RAPGEF5: variants seen among roughly 807,000 people sequenced by gnomAD.
The protein encoded by RAPGEF5 is Rap guanine nucleotide exchange factor 5, also known as M-Ras-regulated GEF.
RAPGEF5 carries 65 observed loss-of-function variants against 125.2 expected under a neutral mutation model. The observed-to-expected ratio is 0.52, with a 90% CI of 0.43 to 0.64. RAPGEF5 has a LOEUF of 0.64. Ranked by LOEUF, RAPGEF5 falls within the 30% of genes least tolerant of loss-of-function variation. The pLI is 0.00. For missense variants in RAPGEF5, 958 were observed against 1,048.1 expected (o/e 0.91, Z 1.19); for synonymous variants, 391 against 385.9 (o/e 1.01, Z -0.16).
intron 11 of RAPGEF5, among the ~76,000 whole-genome samples, chr7:22,178,548 G>C (rs1366274863): frequency 1.3e-5 from 2 of 152,144 alleles, no homozygotes; most frequent in African/African-American, 4.8e-5. Context: ...ACTAAACTCA[G>C]GGAAACATTT....
At chr7:22,202,973 A>G in intron 9 of RAPGEF5, 1 of 278,824 alleles carries the variant, frequency 3.6e-6, no homozygotes, top group Non-Finnish European at 7.5e-6. Context: ...CAAGTATACT[A>G]ACACTGAAGT....
chr7:22,172,884 G>A (rs1177505390), intron 11 of RAPGEF5, among the ~76,000 whole-genome samples: 2 of 152,160 alleles, frequency 1.3e-5, no homozygotes, highest in African/African-American at 4.8e-5. Context: ...CCACTCAGCT[G>A]TTAAAGTGAA....
intron 23 of RAPGEF5, among the ~76,000 whole-genome samples, chr7:22,131,723 C>T (rs539716569): frequency 2.0e-5 from 3 of 152,200 alleles, no homozygotes; most frequent in African/African-American, 7.2e-5. Flanking sequence ...GAGGAAAGTA[C>T]AATGAAAGTG....
chr7:22,167,450 T>C (rs976308703), intron 11 of RAPGEF5, among the ~76,000 whole-genome samples: 26 of 152,344 alleles, frequency 1.7e-4, no homozygotes, highest in African/African-American at 5.3e-4. Context: ...AAAGATGATA[T>C]AGAAAACAAA....
chr7:22,203,961 C>T (rs539855453), intron 9 of RAPGEF5, among the ~76,000 whole-genome samples: 11 of 152,128 alleles, frequency 7.2e-5, no homozygotes, highest in African/African-American at 2.4e-4. Context: ...GCCAGTAACC[C>T]GAATCACTGC....
intron 7 of RAPGEF5, among the ~76,000 whole-genome samples, chr7:22,246,412 G>A (rs944697818): frequency 2.0e-5 from 3 of 152,138 alleles, no homozygotes; most frequent in Admixed American, 1.3e-4. Flanking sequence ...AGATAACCTA[G>A]AAATAAAGCT....
Position 22,318,048 on chromosome 7 carries a change from C to G in RAPGEF5, c.232-11G>C. Reference sequence around the variant, plus strand: ...TCTTCTTGATAGAGTCTATTTTAAACAAAGAAAAAAAAAATAGTTAGAACC... The same window carrying G: ...TCTTCTTGATAGAGTCTATTTTAAAGAAAGAAAAAAAAAATAGTTAGAACC... On this transcript the variant is annotated splice_polypyrimidine_tract_variant and intron_variant, in intron 1 of 25. Coordinates refer to ENST00000665637, the MANE Select transcript of RAPGEF5 (RefSeq NM_012294.5). 1 of 1,364,088 alleles carries G rather than the reference C, an allele frequency of 7.3e-7. No individual in the cohort carries two copies. Among genetic ancestry groups the G allele is most frequent in the Non-Finnish European group, 9.5e-7 (1 of 1,057,798 alleles). The allele number at this position is 1,364,088 out of a possible 1,614,324, so 84.5% of individuals were successfully genotyped here.
intron 6 of RAPGEF5, among the ~76,000 whole-genome samples, chr7:22,269,271 T>G (rs1782361282): frequency 6.6e-6 from 1 of 151,858 alleles, no homozygotes. Context: ...GACCACACAC[T>G]GGGTAAGATC....
chr7:22,122,564 T>C (rs769644386), intron 25 of RAPGEF5, 43 bp from the exon 26 acceptor site: 1 of 1,425,086 alleles, frequency 7.0e-7, no homozygotes, highest in South Asian at 1.2e-5. Flanking sequence ...AGGAGAGCAG[T>C]AATGCTGTAT....
intron 20 of RAPGEF5, among the ~76,000 whole-genome samples, chr7:22,142,393 C>G (rs553761756): frequency 6.6e-6 from 1 of 152,240 alleles, no homozygotes; most frequent in African/African-American, 2.4e-5. Flanking sequence ...GTCTATTATT[C>G]TACGTTTTAT....
chr7:22,128,592 G>T (rs1782819228), intron 24 of RAPGEF5, among the ~76,000 whole-genome samples: 1 of 152,160 alleles, frequency 6.6e-6, no homozygotes, highest in Non-Finnish European at 1.5e-5. Flanking sequence ...CTCCTAGAAA[G>T]GTCAGTCTCA....
intron 9 of RAPGEF5, among the ~76,000 whole-genome samples, chr7:22,214,509 T>C (rs981950739): frequency 3.9e-5 from 6 of 152,162 alleles, no homozygotes; most frequent in Non-Finnish European, 2.9e-5. Context: ...TTCGGGAAAA[T>C]ACAGGTTCAG....
chr7:22,307,298 A>C (rs1783364150), intron 5 of RAPGEF5, among the ~76,000 whole-genome samples: 1 of 151,956 alleles, frequency 6.6e-6, no homozygotes, highest in Non-Finnish European at 1.5e-5. Context: ...ATTTAATTTT[A>C]TTTGTGTCTA....
chr7:22,144,997 C>T lies in RAPGEF5; in HGVS notation c.2186+47G>A, dbSNP rs375012935. On this transcript the variant is annotated intron_variant, in intron 20 of 25. Coordinates refer to ENST00000665637, the MANE Select transcript of RAPGEF5 (RefSeq NM_012294.5). Reference sequence around the variant, plus strand: ...AAGAAAGAAAGAAGAACAATGTACTCTCTCAAGAAGACTAGAGGAATGGCA... The same window carrying T: ...AAGAAAGAAAGAAGAACAATGTACTTTCTCAAGAAGACTAGAGGAATGGCA... 6 of 1,574,488 alleles carry T rather than the reference C, an allele frequency of 3.8e-6. 1 individual carries two copies. In the South Asian group the frequency reaches 4.7e-5, roughly 12 times the overall value.
At chr7:22,212,137 C>A (rs1325370109) in intron 9 of RAPGEF5, among the ~76,000 whole-genome samples, 1 of 152,036 alleles carries the variant, frequency 6.6e-6, no homozygotes, top group South Asian at 2.1e-4. Context: ...GCATGCCTGG[C>A]TAATTTTTTG....
In RAPGEF5 at chr7:22,288,324, C is replaced by A. The variant is rs1214189301; in HGVS notation, c.747+2851G>T. Among the ~76,000 whole-genome samples, 4 of 152,134 alleles carry A rather than the reference C, an allele frequency of 2.6e-5. No individual in the cohort carries two copies. The East Asian group carries it at 7.7e-4, about 29-fold the overall frequency. On this transcript the variant is annotated intron_variant, in intron 6 of 25. Transcript: ENST00000665637. The stretch of plus-strand genomic sequence containing the variant: ...CTCTCTGAGCTTCAGACTCTTGTCT[C>A]CAGATGTTTCCTGCATATTTCTGTT...
rs535859055 is a variant in RAPGEF5, at chr7:22,281,523, A to G, written c.747+9652T>C. On this transcript the variant is annotated intron_variant, in intron 6 of 25. Coordinates refer to ENST00000665637, the MANE Select transcript of RAPGEF5 (RefSeq NM_012294.5). ...CACACTGCACCTGGTGAAGAAGATA[A>G]TATCTAAAGCCGTCTTCCCTTCTAT... Among the ~76,000 whole-genome samples the G allele has an allele frequency of 9.1e-4, 138 of 152,304 alleles. 1 individual carries two copies. Among genetic ancestry groups the G allele is most frequent in the Non-Finnish European group, 1.3e-4 (9 of 68,024 alleles).
At chr7:22,229,813 T>G (rs1786015261) in intron 8 of RAPGEF5, among the ~76,000 whole-genome samples, 1 of 152,214 alleles carries the variant, frequency 6.6e-6, no homozygotes, top group Admixed American at 6.5e-5. Context: ...ACACTCATAA[T>G]GATGCCATGC....
intron 9 of RAPGEF5, among the ~76,000 whole-genome samples, chr7:22,196,555 G>A (rs1785151216): frequency 6.6e-6 from 1 of 152,172 alleles, no homozygotes; most frequent in South Asian, 2.1e-4. Flanking sequence ...CAAGTACCCT[G>A]CTCTTAACTG....
Sources: allele counts gnomAD v4.1 joint callset (sites outside exome capture counted in the v4.1 genomes callset), GRCh38; gene constraint gnomAD v4.1.1; transcripts MANE v1.5; gene names NCBI Gene and HGNC (gene_info 2026-07-23, HGNC 2026-07-21).